The following ABTB2 variants were observed in gnomAD, a reference collection of about 807,000 sequenced individuals.
ABTB2 encodes ankyrin repeat and BTB/POZ domain-containing protein 2.
Under a neutral mutation model 104.1 loss-of-function variants are expected in ABTB2, and 56 were observed. The ratio of observed to expected loss-of-function variants is 0.54; its 90% confidence interval spans 0.43 to 0.67. ABTB2 has a LOEUF of 0.67. ABTB2 is among the 30% of genes least tolerant of loss of function. The pLI is 0.00. For missense variants in ABTB2, 1,279 were observed against 1,407.7 expected (o/e 0.91, Z 1.46); for synonymous variants, 606 against 608.2 (o/e 1.00, Z 0.05).
At position 34,165,612 on chromosome 11, in the gene ABTB2, G is replaced by A. The variant is rs570338354; in HGVS notation, c.1756-256C>T. On this transcript the variant is annotated intron_variant, in intron 7 of 16. Coordinates refer to ENST00000435224, the MANE Select transcript of ABTB2 (RefSeq NM_145804.3). ...CTGTGAGGACCTCTGAGCTTTTTCC[G>A]TCTTTCAAATGCTTTCCCATGAACT... 3.3e-5 allele frequency among the ~76,000 whole-genome samples: 5 copies of A among 152,322 alleles called. No individual in the cohort carries two copies. The East Asian group carries it at 5.8e-4, about 18-fold the overall frequency.
rs1331893931 is a variant in ABTB2, at chr11:34,197,218, G to A, written c.1244+107C>T. 6.5e-6 allele frequency: 8 copies of A among 1,226,710 alleles called. No homozygotes were observed. The East Asian group carries it at 1.4e-4, about 22-fold the overall frequency. The allele number at this position is 1,226,710 out of a possible 1,614,324, so 76.0% of individuals were successfully genotyped here. A position where few individuals can be genotyped will look rare whatever the true frequency, so the allele number is the denominator to read the frequency against. On this transcript the variant is annotated intron_variant, in intron 3 of 16. Coordinates refer to ENST00000435224, the MANE Select transcript of ABTB2 (RefSeq NM_145804.3). ...CTCACAGGCATAGCACAGTTCCAGG[G>A]CCCCTTCCTCGCCCTGTTGGTCAGT...
intron 1 of ABTB2, among the ~76,000 whole-genome samples, chr11:34,328,421 C>A (rs1855094542): frequency 6.6e-6 from 1 of 152,126 alleles, no homozygotes; most frequent in Non-Finnish European, 1.5e-5. Context: ...TGACTTGGGG[C>A]AGGCTGCCTA....
At chr11:34,327,781 A>G (rs1239533398) in intron 1 of ABTB2, among the ~76,000 whole-genome samples, 2 of 152,218 alleles carry the variant, frequency 1.3e-5, no homozygotes, top group African/African-American at 4.8e-5. Flanking sequence ...AAAACTTTAG[A>G]AACCAAATGA....
chr11:34,282,930 A>G (rs7110214), intron 1 of ABTB2, among the ~76,000 whole-genome samples: 93,455 of 150,320 alleles, frequency 0.62, 29,946 homozygotes, highest in South Asian at 0.79. Context: ...TTTTTTTGAG[A>G]TGGAGTCTCG....
At chr11:34,175,500 G>A (rs951115924) in intron 3 of ABTB2, among the ~76,000 whole-genome samples, 16 of 152,318 alleles carry the variant, frequency 1.1e-4, no homozygotes, top group African/African-American at 2.6e-4. Context: ...GTGGGTACTC[G>A]AAGTAGTTTC....
intron 8 of ABTB2, 54 bp from the exon 9 acceptor site, chr11:34,164,875 A>T (rs1852776881): frequency 1.3e-6 from 2 of 1,559,058 alleles, no homozygotes; most frequent in African/African-American, 2.8e-5. Context: ...CCGCCAGGGC[A>T]GCTGAGGCGA....
At chr11:34,324,666 G>A (rs1855046692) in intron 1 of ABTB2, among the ~76,000 whole-genome samples, 1 of 152,216 alleles carries the variant, frequency 6.6e-6, no homozygotes, top group Admixed American at 6.5e-5. Context: ...AAATAGCACA[G>A]CCCAGCTGCC....
chr11:34,302,466 T>A (rs547256443), intron 1 of ABTB2, among the ~76,000 whole-genome samples: 46 of 152,342 alleles, frequency 3.0e-4, no homozygotes, highest in African/African-American at 1.1e-3. Context: ...AGAGCAGGAA[T>A]TCTTGCCCTG....
At chr11:34,233,680 T>C (rs1319024751) in intron 1 of ABTB2, among the ~76,000 whole-genome samples, 1 of 151,704 alleles carries the variant, frequency 6.6e-6, no homozygotes, top group African/African-American at 2.4e-5. Flanking sequence ...TAAAGGTAAT[T>C]ATGATTATTT....
rs114499809 is a variant in ABTB2 at position 34,160,910 on chromosome 11, G to C, written c.2390C>G (p.Thr797Ser). The change falls in exon 11 of 17, where the codon ACC (threonine) becomes AGC (serine). Residue 797 changes from threonine (T) to serine (S), a missense_variant. By Grantham distance (58) the Thr-to-Ser change is moderately conservative (BLOSUM62 1). Transcript: ENST00000435224. Reference protein sequence around the residue: ...GLQLMFDILKTSKNDSVIQQL... With the variant: ...GLQLMFDILKSSKNDSVIQQL... ...GCCACTGGCCACACTTACTTTGCTG[G>C]TCTTGAGGATGTCGAACATGAGCTG... 6.2e-7 allele frequency: 1 copy of C among 1,607,302 alleles called. No homozygotes were observed. Among genetic ancestry groups the C allele is most frequent in the African/African-American group, 1.3e-5 (1 of 74,858 alleles).
intron 1 of ABTB2, among the ~76,000 whole-genome samples, chr11:34,218,846 C>CAAAA (rs35803950): frequency 3.3e-5 from 2 of 60,964 alleles, no homozygotes; most frequent in African/African-American, 6.3e-5. Context: ...AACTCCATCT[C>CAAAA]AAAAAAAAAA....
intron 6 of ABTB2, 89 bp from the exon 7 acceptor site, chr11:34,167,449 CT>C: frequency 9.7e-7 from 1 of 1,034,266 alleles, no homozygotes; most frequent in Non-Finnish European, 1.5e-6. Flanking sequence ...TTAACAAGTG[CT>C]TTCTACATTC....
chr11:34,303,799 C>T (rs112634507), intron 1 of ABTB2, among the ~76,000 whole-genome samples: 9,454 of 151,938 alleles, frequency 0.062, 787 homozygotes, highest in African/African-American at 0.18. Flanking sequence ...TGTGCCTCCT[C>T]GCCCAGCTAA....
intron 1 of ABTB2, among the ~76,000 whole-genome samples, chr11:34,219,053 C>G (rs143855072): frequency 1.3e-5 from 2 of 151,390 alleles, no homozygotes; most frequent in African/African-American, 2.4e-5. Flanking sequence ...TTATACCAAG[C>G]TTAGTGCTAG....
chr11:34,264,611 T>C (rs1854225672), intron 1 of ABTB2, among the ~76,000 whole-genome samples: 2 of 152,198 alleles, frequency 1.3e-5, no homozygotes, highest in Non-Finnish European at 1.5e-5. Flanking sequence ...CCCAAGCTGA[T>C]CAAAGAAGCC....
intron 1 of ABTB2, among the ~76,000 whole-genome samples, chr11:34,330,697 G>T (rs930560646): frequency 6.6e-6 from 1 of 152,238 alleles, no homozygotes; most frequent in African/African-American, 2.4e-5. Flanking sequence ...TGTCAATGAG[G>T]CATAGGGGTG....
At chr11:34,170,836 C>T (rs1163538676) in intron 5 of ABTB2, 70 bp downstream of exon 5, 1 of 1,564,462 alleles carries the variant, frequency 6.4e-7, no homozygotes, top group East Asian at 2.3e-5. Flanking sequence ...CAGAGGGCCG[C>T]CAATGCTGGG....
At chr11:34,179,099 A>G (rs1341817588) in intron 3 of ABTB2, among the ~76,000 whole-genome samples, 2 of 151,690 alleles carry the variant, frequency 1.3e-5, no homozygotes, top group African/African-American at 4.8e-5. Flanking sequence ...AAAAAAAAAA[A>G]ATTAATGAGG....
At chr11:34,171,119 A>G (rs553532035) in intron 4 of ABTB2, 48 bp from the exon 5 acceptor site, 37 of 1,583,876 alleles carry the variant, frequency 2.3e-5, no homozygotes, top group East Asian at 2.2e-4. Context: ...GCAGACAGCA[A>G]CTTTCAATGA....
Sources: allele counts gnomAD v4.1 joint callset (sites outside exome capture counted in the v4.1 genomes callset), GRCh38; gene constraint gnomAD v4.1.1; transcripts MANE v1.5; gene names NCBI Gene and HGNC (gene_info 2026-07-23, HGNC 2026-07-21).